The following SORCS2 variants were observed in gnomAD, a reference collection of about 807,000 sequenced individuals.
SORCS2 encodes the protein sortilin related VPS10 domain containing receptor 2.
Under a neutral mutation model 141.6 loss-of-function variants are expected in SORCS2, and 100 were observed. The observed-to-expected ratio is 0.71, with a 90% CI of 0.60 to 0.83. The LOEUF is 0.83. SORCS2 is among the 40% of genes least tolerant of loss of function. SORCS2 has a pLI of 0.00. For synonymous variants in SORCS2, 789 were observed against 676.9 expected (o/e 1.17, Z -2.57); for missense variants, 1,646 against 1,560.2 (o/e 1.05, Z -0.93).
At chr4:7,502,668 G>A (rs1045404450) in intron 2 of SORCS2, among the ~76,000 whole-genome samples, 1 of 152,170 alleles carries the variant, frequency 6.6e-6, no homozygotes, top group African/African-American at 2.4e-5. Flanking sequence ...TGCAGAGAAC[G>A]GGCGTGACTT....
At chr4:7,284,601 G>A (rs1716089651) in intron 1 of SORCS2, among the ~76,000 whole-genome samples, 1 of 152,138 alleles carries the variant, frequency 6.6e-6, no homozygotes, top group East Asian at 1.9e-4. Context: ...TTGACACAGA[G>A]GCCTGAAGGG....
Position 7,712,715 on chromosome 4 carries a change from C to G in SORCS2, c.1869-18C>G. ...ATGAAGGTGGTTTTCTCTCCCTTCC[C>G]TCCTCTTCCCACCCCAGGGTCTTTG... On this transcript the variant is annotated intron_variant, in intron 14 of 26. Coordinates refer to ENST00000507866, the MANE Select transcript of SORCS2 (RefSeq NM_020777.3). 2 of 1,613,868 alleles carry G rather than the reference C, an allele frequency of 1.2e-6. No individual in the cohort carries two copies. The highest frequency in any genetic ancestry group is 1.7e-6 in the Non-Finnish European group (2 of 1,179,794).
intron 2 of SORCS2, among the ~76,000 whole-genome samples, chr4:7,493,569 C>T (rs1419449272): frequency 6.6e-6 from 1 of 152,142 alleles, no homozygotes; most frequent in Non-Finnish European, 1.5e-5. Flanking sequence ...TCAGTTTCCC[C>T]AGCTGGAGGA....
chr4:7,379,745 A>G (rs1221443902), intron 1 of SORCS2, among the ~76,000 whole-genome samples: 1 of 152,130 alleles, frequency 6.6e-6, no homozygotes, highest in East Asian at 1.9e-4. Flanking sequence ...ACTGGGAAAT[A>G]TGTTGCTTTG....
At chr4:7,226,182 A>G (rs1412299276) in intron 1 of SORCS2, among the ~76,000 whole-genome samples, 1 of 152,130 alleles carries the variant, frequency 6.6e-6, no homozygotes, top group African/African-American at 2.4e-5. Context: ...GGGAGTGTCT[A>G]TGGTGGCAGG....
At chr4:7,555,582 T>G (rs1222206944) in intron 3 of SORCS2, among the ~76,000 whole-genome samples, 1 of 152,244 alleles carries the variant, frequency 6.6e-6, no homozygotes, top group African/African-American at 2.4e-5. Flanking sequence ...GGGTTGGGTA[T>G]CGGATGAAAA....
intron 2 of SORCS2, among the ~76,000 whole-genome samples, chr4:7,440,302 C>T (rs1727576129): frequency 6.6e-6 from 1 of 152,198 alleles, no homozygotes; most frequent in Non-Finnish European, 1.5e-5. Context: ...AATAATTGTT[C>T]TGGGGGGACA....
At chr4:7,404,279 T>C (rs1310868026) in intron 2 of SORCS2, among the ~76,000 whole-genome samples, 1 of 152,142 alleles carries the variant, frequency 6.6e-6, no homozygotes, top group Admixed American at 6.5e-5. Flanking sequence ...ACATCTTTTC[T>C]ATTGTGAATA....
intron 1 of SORCS2, among the ~76,000 whole-genome samples, chr4:7,395,447 A>G (rs1724149084): frequency 6.6e-6 from 1 of 152,178 alleles, no homozygotes; most frequent in Non-Finnish European, 1.5e-5. Context: ...GTGAAATGAA[A>G]TTTGATGTAC....
intron 4 of SORCS2, among the ~76,000 whole-genome samples, 184 bp from the exon 5 acceptor site, chr4:7,653,950 G>A (rs965605057): frequency 6.6e-5 from 10 of 152,212 alleles, no homozygotes; most frequent in Non-Finnish European, 5.9e-5. Flanking sequence ...GGACAGGAAT[G>A]GTTCCTCCTG....
chr4:7,240,099 A>T (rs779115565), intron 1 of SORCS2, among the ~76,000 whole-genome samples: 10 of 152,110 alleles, frequency 6.6e-5, no homozygotes, highest in Admixed American at 2.0e-4. Flanking sequence ...GGCCTGGGAG[A>T]GTCCACCTGA....
At chr4:7,554,334 TGAG>T (rs1713947703) in intron 3 of SORCS2, among the ~76,000 whole-genome samples, 1 of 151,230 alleles carries the variant, frequency 6.6e-6, no homozygotes, top group African/African-American at 2.4e-5. Context: ...TTATTATTAT[TGAG>T]GAGGAGGCCA....
chr4:7,243,410 T>C (rs1351801448), intron 1 of SORCS2, among the ~76,000 whole-genome samples: 4 of 152,038 alleles, frequency 2.6e-5, no homozygotes, highest in Non-Finnish European at 5.9e-5. Flanking sequence ...GGTGATTTGC[T>C]AGGGGAACTC....
rs535376806 is a variant in SORCS2 at position 7,276,948 on chromosome 4, A to G, written c.480+83822A>G. 2.6e-5 allele frequency among the ~76,000 whole-genome samples: 4 copies of G among 152,280 alleles called. No individual in the cohort carries two copies. In the South Asian group the frequency reaches 8.3e-4, roughly 32 times the overall value. On this transcript the variant is annotated intron_variant, in intron 1 of 26. Transcript: ENST00000507866. ...TGGAAGGGAAGCCATGTGGCTCTGA[A>G]TCTCATGACCAGTGGGCCGTTCTGT...
At chr4:7,287,225 C>G (rs932344753) in intron 1 of SORCS2, among the ~76,000 whole-genome samples, 2 of 152,208 alleles carry the variant, frequency 1.3e-5, no homozygotes, top group Non-Finnish European at 2.9e-5. Flanking sequence ...CAAGGACCCA[C>G]TTGGGAAGAA....
chr4:7,260,075 A>T (rs1162208972), intron 1 of SORCS2, among the ~76,000 whole-genome samples: 1 of 152,240 alleles, frequency 6.6e-6, no homozygotes, highest in East Asian at 1.9e-4. Context: ...CTTGGGTTGG[A>T]GAAAGGCAGA....
chr4:7,252,767 A>G (rs1265341702), intron 1 of SORCS2, among the ~76,000 whole-genome samples: 1 of 152,240 alleles, frequency 6.6e-6, no homozygotes, highest in African/African-American at 2.4e-5. Flanking sequence ...TTCCTCACCT[A>G]AACCCCAAAC....
chr4:7,397,530 G>A (rs1256049422), intron 2 of SORCS2, among the ~76,000 whole-genome samples: 1 of 152,098 alleles, frequency 6.6e-6, no homozygotes, highest in Non-Finnish European at 1.5e-5. Flanking sequence ...AGAAAACGGG[G>A]GGTGAGTGAT....
Position 7,362,628 on chromosome 4 carries a change from G to C in SORCS2, c.481-33660G>C, listed in dbSNP as rs974586972. Among the ~76,000 whole-genome samples the C allele has an allele frequency of 3.3e-5, 5 of 152,166 alleles. 1 individual carries two copies. The highest frequency in any genetic ancestry group is 1.2e-4 in the African/African-American group (5 of 41,500). Reference sequence around the variant, plus strand: ...AAAGCTGCGGTTCCAGGGGGAACCTGACCAGGGAGGCTGACTTTGCCTGTG... The same window carrying C: ...AAAGCTGCGGTTCCAGGGGGAACCTCACCAGGGAGGCTGACTTTGCCTGTG... On this transcript the variant is annotated intron_variant, in intron 1 of 26. Coordinates refer to ENST00000507866, the MANE Select transcript of SORCS2 (RefSeq NM_020777.3).
Sources: gnomAD v4.1 joint callset for allele counts (sites outside exome capture counted in the v4.1 genomes callset) on GRCh38, gnomAD v4.1.1 for gene constraint, MANE v1.5 for transcripts, NCBI Gene and HGNC (gene_info 2026-07-23, HGNC 2026-07-21) for gene names.